The following PHKA1 variants were observed in gnomAD, a reference collection of about 807,000 sequenced individuals.
The protein encoded by PHKA1 is phosphorylase kinase regulatory subunit alpha 1.
Under a neutral mutation model 110.2 loss-of-function variants are expected in PHKA1, and 60 were observed. The observed-to-expected ratio is 0.54, with a 90% CI of 0.44 to 0.68. The LOEUF is 0.68. Among genes scored for constraint, PHKA1 ranks in the 30% least tolerant of loss-of-function variants. The probability of loss-of-function intolerance (pLI) is 0.00; values close to 1 mark genes in which losing one functional copy is unlikely to be tolerated. For missense variants in PHKA1, 801 were observed against 942.5 expected, an observed-to-expected ratio of 0.85 and a Z score of 1.97; for synonymous variants, 316 against 333.6, an observed-to-expected ratio of 0.95 and a Z score of 0.58.
intron 3 of PHKA1, among the ~76,000 whole-genome samples, 159 bp downstream of exon 3, chrX:72,705,039 T>C (rs1420665555): frequency 2.7e-5 from 3 of 112,599 alleles, no homozygotes; most frequent in African/African-American, 9.7e-5. Flanking sequence ...TGTGAGATTA[T>C]GGGTGACATT....
At chrX:72,616,956 G>T (rs781798620) in intron 21 of PHKA1, among the ~76,000 whole-genome samples, 3 of 111,798 alleles carry the variant, frequency 2.7e-5, no homozygotes, top group Non-Finnish European at 5.6e-5. Context: ...TTTGGCAAAT[G>T]AAAAGGAAAT....
chrX:72,584,374 T>C (rs368848248), intron 29 of PHKA1, 72 bp from the exon 30 acceptor site: 44 of 936,177 alleles, frequency 4.7e-5, no homozygotes, highest in Non-Finnish European at 2.9e-5. Flanking sequence ...GGGGAGGCTA[T>C]GAGGAGACGC....
intron 29 of PHKA1, among the ~76,000 whole-genome samples, chrX:72,591,539 A>C (rs1347087589): frequency 9.0e-6 from 1 of 110,816 alleles, no homozygotes; most frequent in East Asian, 2.8e-4. Context: ...GTGCTCATGT[A>C]CCCTAGAACT....
chrX:72,650,586 A>G (rs2053418058), intron 12 of PHKA1, 118 bp from the exon 13 acceptor site: 1 of 573,703 alleles, frequency 1.7e-6, no homozygotes, highest in Non-Finnish European at 2.9e-6. Flanking sequence ...AGACAGGTGT[A>G]GAAAGGAAAC....
chrX:72,625,617 G>A (rs1350272829), intron 17 of PHKA1, among the ~76,000 whole-genome samples: 1 of 111,142 alleles, frequency 9.0e-6, no homozygotes, highest in African/African-American at 3.3e-5. Flanking sequence ...ATATTCTTTT[G>A]GATATATATC....
In PHKA1 at chrX:72,652,600, T is replaced by C; in HGVS notation, c.1189A>G (p.Lys397Glu). 8.3e-7 allele frequency: 1 copy of C among 1,197,715 alleles called. No individual in the cohort carries two copies. The highest frequency in any genetic ancestry group is 1.1e-6 in the Non-Finnish European group (1 of 883,020). ...GACTGACCCCACATGTGAGGCAATT[T>C]CCCCATGGGGACTCGGTCCACAGTG... is the stretch of plus-strand genomic sequence containing the variant. ...PHTVDRVPMG[K>E]LPHMWGQSLY... The change falls in exon 12 of 32, where the codon AAA becomes GAA. Residue 397 changes from lysine to glutamate, a missense_variant. Lys to Glu is a moderately conservative substitution (Grantham distance 56, BLOSUM62 1). This residue lies in a region of PHKA1 where 299 missense variants were observed against 423.3 expected (regional missense o/e 0.71). Coordinates refer to ENST00000373542, the MANE Select transcript of PHKA1 (RefSeq NM_002637.4).
At chrX:72,610,994 T>C (rs1458388092) in intron 22 of PHKA1, 34 bp downstream of exon 22, 55 of 1,131,933 alleles carry the variant, frequency 4.9e-5, no homozygotes, top group Non-Finnish European at 6.4e-5. Flanking sequence ...GCACGCTTAT[T>C]TAGATTTGGT....
intron 28 of PHKA1, among the ~76,000 whole-genome samples, chrX:72,596,523 A>C (rs2052591812): frequency 8.9e-6 from 1 of 112,148 alleles, no homozygotes; most frequent in South Asian, 3.7e-4. Context: ...AAAATTAAGA[A>C]AACAATTCCA....
chrX:72,625,053 G>C (rs1206523837), intron 17 of PHKA1, among the ~76,000 whole-genome samples: 1 of 111,641 alleles, frequency 9.0e-6, no homozygotes, highest in Non-Finnish European at 1.9e-5. Flanking sequence ...AACATTATTG[G>C]GATAATTGGG....
At chrX:72,599,833 T>C in intron 28 of PHKA1, 1 of 552,053 alleles carries the variant, frequency 1.8e-6, no homozygotes, top group Non-Finnish European at 3.3e-6. Flanking sequence ...GACGGTGACA[T>C]CAAATCTATA....
intron 29 of PHKA1, among the ~76,000 whole-genome samples, chrX:72,585,484 C>G (rs1420124585): frequency 2.7e-5 from 3 of 112,046 alleles, no homozygotes; most frequent in Non-Finnish European, 5.6e-5. Flanking sequence ...CAGCTCCAGT[C>G]TGCAGCTCCC....
At chrX:72,619,353 A>C (rs909407181) in intron 19 of PHKA1, 48 bp from the exon 20 acceptor site, 17 of 745,168 alleles carry the variant, frequency 2.3e-5, no homozygotes, top group Non-Finnish European at 3.5e-5. Context: ...TTAGGAGACT[A>C]ATAGAAATGC....
At chrX:72,654,169 T>C (rs2053463360) in intron 10 of PHKA1, among the ~76,000 whole-genome samples, 1 of 112,209 alleles carries the variant, frequency 8.9e-6, no homozygotes, top group Non-Finnish European at 1.9e-5. Flanking sequence ...AATTTCATGT[T>C]TGGTTATGCA....
chrX:72,712,585 C>T (rs2054399573), intron 2 of PHKA1, among the ~76,000 whole-genome samples, 194 bp downstream of exon 2: 1 of 111,341 alleles, frequency 9.0e-6, no homozygotes, highest in African/African-American at 3.3e-5. Flanking sequence ...TTCAAGTTTC[C>T]ACTGCAAGAA....
chrX:72,692,523 T>C (rs1556322740), intron 4 of PHKA1, among the ~76,000 whole-genome samples: 1 of 112,225 alleles, frequency 8.9e-6, no homozygotes, highest in Non-Finnish European at 1.9e-5. Context: ...TTGTAGTAAG[T>C]CTACTCAGAT....
chrX:72,678,337 C>A (rs2053804810), intron 5 of PHKA1, among the ~76,000 whole-genome samples: 1 of 111,550 alleles, frequency 9.0e-6, no homozygotes, highest in Non-Finnish European at 1.9e-5. Context: ...CAAACACACA[C>A]CCTCCCACAC....
At position 72,582,609 on chromosome X, in the gene PHKA1, GA is replaced by G; in HGVS notation, c.3298-12del. On this transcript the variant is annotated splice_polypyrimidine_tract_variant and intron_variant, in intron 30 of 31. Transcript: ENST00000373542. Reference sequence around the variant, plus strand: ...CTCACCTGGAGTCATCTGTGATAGAGAAAAAGAAAATCACTTCCTAAGAGTC... The same window carrying G: ...CTCACCTGGAGTCATCTGTGATAGAGAAAAGAAAATCACTTCCTAAGAGTC... 1 of 1,109,600 alleles carries G rather than the reference GA, an allele frequency of 9.0e-7. No homozygotes were observed. The highest frequency in any genetic ancestry group is 1.2e-6 in the Non-Finnish European group (1 of 804,836). The allele number at this position is 1,109,600 out of a possible 1,213,427, so 91.4% of individuals were successfully genotyped here.
At chrX:72,595,769 G>T (rs148580622) in intron 28 of PHKA1, among the ~76,000 whole-genome samples, 2 of 111,552 alleles carry the variant, frequency 1.8e-5, no homozygotes, top group African/African-American at 6.5e-5. Flanking sequence ...TAGGATGACC[G>T]TGGTTAAAAA....
intron 4 of PHKA1, among the ~76,000 whole-genome samples, chrX:72,690,172 G>C (rs1418116699): frequency 9.0e-6 from 1 of 111,192 alleles, no homozygotes; most frequent in African/African-American, 3.3e-5. Context: ...GTTTCTTGAT[G>C]GGGTCCTTTG....
Sources: allele counts gnomAD v4.1 joint callset (sites outside exome capture counted in the v4.1 genomes callset), GRCh38; gene constraint gnomAD v4.1.1; regional missense constraint gnomAD v4.1.1; transcripts MANE v1.5; gene names NCBI Gene and HGNC (gene_info 2026-07-23, HGNC 2026-07-21).